Variants in TAF10 observed in about 807,000 individuals in gnomAD.
The protein encoded by TAF10 is transcription initiation factor TFIID subunit 10.
Under a neutral mutation model 18.1 loss-of-function variants are expected in TAF10, and 2 were observed. The ratio of observed to expected loss-of-function variants is 0.11; its 90% CI spans 0.05 to 0.35. The LOEUF (loss-of-function observed/expected upper bound fraction) is 0.35. TAF10 is among the 10% of genes least tolerant of loss of function. TAF10 has a pLI of 1.00. For synonymous variants in TAF10, 158 were observed against 134.6 expected, an observed-to-expected ratio of 1.17 and a Z score of -1.20; for missense variants, 293 against 306.9, an observed-to-expected ratio of 0.95 and a Z score of 0.34.
At chr11:6,611,913 C>G (rs1395427786) in intron 1 of TAF10, 45 bp downstream of exon 1, 1 of 1,575,672 alleles carries the variant, frequency 6.3e-7, no homozygotes, top group Non-Finnish European at 8.6e-7. Context: ...GCCGCTGGAC[C>G]CAGCCCAAGA....
In TAF10 at chr11:6,612,098, G is replaced by A. The variant is rs1459426984; in HGVS notation, c.92C>T (p.Ala31Val). Residue 31 changes from alanine (A) to valine (V), a missense_variant, in exon 1 of 5, where the codon GCC becomes GTC. Ala to Val is a moderately conservative substitution (Grantham distance 64). Coordinates refer to ENST00000299424, the MANE Select transcript of TAF10 (RefSeq NM_006284.4). The stretch of plus-strand genomic sequence containing the variant: ...CGCGGCGGTGCTGGAGGGCAGCGCG[G>A]CGGGAGCCGAGACCGGGGGCGCGGG... ...PGPAPPVSAP[A>V]ALPSSTAAEN... The A allele has an allele frequency of 1.6e-6, 2 of 1,227,944 alleles. No homozygotes were observed. Among genetic ancestry groups the A allele is most frequent in the African/African-American group, 3.1e-5 (2 of 63,876 alleles). The allele number at this position is 1,227,944 out of a possible 1,614,324, so 76.1% of individuals were successfully genotyped here.
Position 6,609,517 on chromosome 11 carries a change from T to C in TAF10, c.*1405A>G. ...CCACTCCCTCCCTCTTCTAGGATTT[T>C]CTCGCATCCAAATGTGCTCCCAGTG... is the stretch of plus-strand genomic sequence containing the variant. On this transcript the variant is annotated 3_prime_UTR_variant, in exon 5 of 5. Transcript: ENST00000299424. The C allele has an allele frequency of 1.2e-6, 2 of 1,614,142 alleles. No homozygotes were observed. The highest frequency in any genetic ancestry group is 1.1e-5 in the South Asian group (1 of 91,078).
At position 6,610,514 on chromosome 11, in the gene TAF10, T is replaced by C; in HGVS notation, c.*408A>G. The C allele has an allele frequency of 6.2e-7, 1 of 1,614,112 alleles. No homozygotes were observed. The highest frequency in any genetic ancestry group is 8.5e-7 in the Non-Finnish European group (1 of 1,179,940). ...ATCCCACCAGGTATTTCCCCTCATG[T>C]GTGTAAGCTCATGAAGATCTGCATG... is the stretch of plus-strand genomic sequence containing the variant. On this transcript the variant is annotated 3_prime_UTR_variant, in exon 5 of 5. Coordinates refer to ENST00000299424, the MANE Select transcript of TAF10 (RefSeq NM_006284.4).
rs1352901841 is a variant in TAF10 at position 6,611,395 on chromosome 11, G to A, written c.445C>T (p.Pro149Ser). ...TGCCCTGGGTTTACTCACATGCGTG[G>A]GTCTGAGGCCTCAAAGCCAGCACGG... ...LNRAGFEASD[P>S]RIIRLISLAA... The change falls in exon 3 of 5, where the codon CCA becomes TCA. Residue 149 changes from proline (P) to serine (S), a missense_variant. Transcript: ENST00000299424. 2 of 1,614,184 alleles carry A rather than the reference G, an allele frequency of 1.2e-6. No homozygotes were observed. The highest frequency in any genetic ancestry group is 1.7e-6 in the Non-Finnish European group (2 of 1,180,042).
In TAF10 at chr11:6,611,779, G is replaced by C. The variant is rs201656714; in HGVS notation, c.272C>G (p.Ala91Gly). ...SAGGAAPPEG[A>G]ISNGVYVLPS... The stretch of plus-strand genomic sequence containing the variant: ...CAGTACGTAAACCCCGTTAGATATG[G>C]CCCCCTCCGGGGGCGCCGCGCCACC... The change falls in exon 2 of 5, where the codon GCC (alanine) becomes GGC (glycine). Residue 91 changes from alanine to glycine, a missense_variant. Physicochemically the swap from Ala to Gly is moderately conservative, Grantham distance 60. Transcript: ENST00000299424. 4.4e-6 allele frequency: 7 copies of C among 1,605,120 alleles called. No individual in the cohort carries two copies. The highest frequency in any genetic ancestry group is 6.0e-6 in the Non-Finnish European group (7 of 1,175,512).
At position 6,609,473 on chromosome 11, in the gene TAF10, C is replaced by G. The variant is rs776384363; in HGVS notation, c.*1449G>C. On this transcript the variant is annotated 3_prime_UTR_variant, in exon 5 of 5. Transcript: ENST00000299424. The stretch of plus-strand genomic sequence containing the variant: ...AACCCTGAATAGCACTGAAAGAGAT[C>G]TTTTGTACTGGGTCTCAACCACTCC... 1.9e-6 allele frequency: 3 copies of G among 1,613,970 alleles called. No individual in the cohort carries two copies. The African/African-American group carries it at 4.0e-5, about 22-fold the overall frequency.
rs368539510 is a variant in TAF10, at chr11:6,608,844, C to T, written c.*2078G>A. 2.1e-5 allele frequency: 34 copies of T among 1,613,030 alleles called. No individual in the cohort carries two copies. In the African/African-American group the frequency reaches 3.3e-4, roughly 16 times the overall value. ...CCTCTCGTCCCTTCCCACCTGTCTT[C>T]TCCCTCTGTACCACAGCTTAGGTTG... On this transcript the variant is annotated 3_prime_UTR_variant, in exon 5 of 5. Transcript: ENST00000299424. This position sits in a 1 kb window ranked among gnomAD's most constrained non-coding sequence, Gnocchi z 4.9.
At position 6,611,971 on chromosome 11, in the gene TAF10, C is replaced by T. The variant is rs1131872; in HGVS notation, c.219G>A (p.Glu73=). Residue 73 remains glutamate (E), a synonymous_variant, in exon 1 of 5, where the codon GAG becomes GAA. Coordinates refer to ENST00000299424, the MANE Select transcript of TAF10 (RefSeq NM_006284.4). ...CCCGGCCCTCACCCGCCCCACGCCGCTCAGCTGGCTCCCCGGCCCGCGCCG... is the reference window on the plus strand; with the variant it reads ...CCCGGCCCTCACCCGCCCCACGCCGTTCAGCTGGCTCCCCGGCCCGCGCCG... ...PLAARAGEPA[E]RRGAAPVSAG... 1 of 1,568,466 alleles carries T rather than the reference C, an allele frequency of 6.4e-7. No homozygotes were observed. The highest frequency in any genetic ancestry group is 8.6e-7 in the Non-Finnish European group (1 of 1,165,136).
intron 1 of TAF10, 52 bp downstream of exon 1, chr11:6,611,906 G>A: frequency 6.4e-7 from 1 of 1,570,254 alleles, no homozygotes. Flanking sequence ...CTCACCCGCC[G>A]CTGGACCCAG....
At position 6,607,181 on chromosome 11, in the gene TAF10, C is replaced by A. The variant is rs1200665824; in HGVS notation, c.*3741G>T. On this transcript the variant is annotated 3_prime_UTR_variant, in exon 5 of 5. Coordinates refer to ENST00000299424, the MANE Select transcript of TAF10 (RefSeq NM_006284.4). ...GCTCCGCCCCTTGAATCTGCAGCCC[C>A]GAACTGGAGGGAATTTCCTTTTATG... 1 of 152,426 alleles carries A rather than the reference C, an allele frequency of 6.6e-6. No homozygotes were observed. Among genetic ancestry groups the A allele is most frequent in the African/African-American group, 2.4e-5 (1 of 41,442 alleles). The allele number at this position is 152,426 out of a possible 1,614,324, so 9.4% of individuals were successfully genotyped here.
Position 6,610,963 on chromosome 11 carries a change from C to G in TAF10, c.616G>C (p.Glu206Gln), listed in dbSNP as rs762390543. Reference sequence around the variant, plus strand: ...GGCTTCTTCACATTGATGCCATACTCGCTGAGGGCAGGGGTCAAGTCCTCC... The same window carrying G: ...GGCTTCTTCACATTGATGCCATACTGGCTGAGGGCAGGGGTCAAGTCCTCC... The part of the protein sequence containing the change: ...TMEDLTPALS[E>Q]YGINVKKPHY... The change falls in exon 5 of 5, where the codon GAG (glutamate) becomes CAG (glutamine). Residue 206 changes from glutamate to glutamine, a missense_variant. By Grantham distance (29) the Glu-to-Gln change is conservative (BLOSUM62 2). Transcript: ENST00000299424. The G allele has an allele frequency of 6.2e-7, 1 of 1,614,184 alleles. No individual in the cohort carries two copies. The highest frequency in any genetic ancestry group is 8.5e-7 in the Non-Finnish European group (1 of 1,180,044).
At position 6,610,852 on chromosome 11, in the gene TAF10, A is replaced by C. The variant is rs1035116395; in HGVS notation, c.*70T>G. ...GGAGGGATCAGCCCCGCCTGTCACA[A>C]TAAAGTTTATTATGAAAACAGGCTG... On this transcript the variant is annotated 3_prime_UTR_variant, in exon 5 of 5. Transcript: ENST00000299424. The C allele has an allele frequency of 1.3e-6, 2 of 1,570,368 alleles. No homozygotes were observed. The highest frequency in any genetic ancestry group is 1.8e-6 in the Non-Finnish European group (2 of 1,140,974).
rs754718567 is a variant in TAF10 at position 6,612,012 on chromosome 11, C to A, written c.178G>T (p.Gly60Cys). ...GCCCGCGCCGCCAAGGGTCCCGTGC[C>A]CCCAGCAGCTGCTCCAGCCCCAGGT... ...GGPGAGAAAG[G>C]TGPLAARAGE... The change falls in exon 1 of 5, where the codon GGC becomes TGC. Residue 60 changes from glycine (G) to cysteine (C), a missense_variant. Physicochemically the swap from Gly to Cys is radical, Grantham distance 159. Transcript: ENST00000299424. The A allele has an allele frequency of 2.6e-6, 4 of 1,540,530 alleles. No homozygotes were observed. The East Asian group carries it at 9.8e-5, about 38-fold the overall frequency.
At position 6,610,025 on chromosome 11, in the gene TAF10, A is replaced by T; in HGVS notation, c.*897T>A. On this transcript the variant is annotated 3_prime_UTR_variant, in exon 5 of 5. Coordinates refer to ENST00000299424, the MANE Select transcript of TAF10 (RefSeq NM_006284.4). The stretch of plus-strand genomic sequence containing the variant: ...GTCGCATGTATGCACCTGCCTGGGT[A>T]GCCCCCGAAGGTGAGTGAAGTCATC... The T allele has an allele frequency of 6.2e-7, 1 of 1,614,180 alleles. No homozygotes were observed. The highest frequency in any genetic ancestry group is 8.5e-7 in the Non-Finnish European group (1 of 1,180,020).
At position 6,610,732 on chromosome 11, in the gene TAF10, A is replaced by G. The variant is rs1277367487; in HGVS notation, c.*190T>C. 9 of 1,362,594 alleles carry G rather than the reference A, an allele frequency of 6.6e-6. No homozygotes were observed. The East Asian group carries it at 1.6e-4, about 25-fold the overall frequency. 84.4% of individuals were successfully genotyped at this position (1,362,594 alleles called of 1,614,324 possible). On this transcript the variant is annotated 3_prime_UTR_variant, in exon 5 of 5. Coordinates refer to ENST00000299424, the MANE Select transcript of TAF10 (RefSeq NM_006284.4). ...CTCCAGTCATGGTACTACCCCAGCC[A>G]TGGGGTCCATCCCCTTCCCCCATCC... is the stretch of plus-strand genomic sequence containing the variant.
In TAF10 at chr11:6,611,805, C is replaced by T. The variant is rs1178229885; in HGVS notation, c.246G>A (p.Ala82=). The part of the protein sequence containing the change: ...AERRGAAPVS[A]GGAAPPEGAI... ...CCCCCTCCGGGGGCGCCGCGCCACC[C>T]GCCGACACCGGAGCTGGAGGAGAAC... Residue 82 remains alanine (A), a synonymous_variant, in exon 2 of 5, where the codon GCG becomes GCA. Transcript: ENST00000299424. The T allele has an allele frequency of 6.2e-7, 1 of 1,604,684 alleles. No homozygotes were observed. The highest frequency in any genetic ancestry group is 8.5e-7 in the Non-Finnish European group (1 of 1,175,518).
intron 1 of TAF10, 69 bp from the exon 2 acceptor site, chr11:6,611,887 C>A (rs1589945699): frequency 6.4e-7 from 1 of 1,560,728 alleles, no homozygotes. Context: ...TCTGTCTATA[C>A]CCTCTGCCCT....
chr11:6,609,820 A>G lies in TAF10; in HGVS notation c.*1102T>C, dbSNP rs773688505. ...ACACTAGAGCCCCTCATCCCACGAC[A>G]TGCACTCAATAGCCGTAGTGTAATG... On this transcript the variant is annotated 3_prime_UTR_variant, in exon 5 of 5. Coordinates refer to ENST00000299424, the MANE Select transcript of TAF10 (RefSeq NM_006284.4). 2 of 1,614,230 alleles carry G rather than the reference A, an allele frequency of 1.2e-6. No homozygotes were observed. The highest frequency in any genetic ancestry group is 2.2e-5 in the South Asian group (2 of 91,086).
chr11:6,610,376 T>C lies in TAF10; in HGVS notation c.*546A>G. ...GGCTCCTCACATATTTGTTCGGATA[T>C]ACAGTAATCCTGTCCCAAGGGCCAG... On this transcript the variant is annotated 3_prime_UTR_variant, in exon 5 of 5. Transcript: ENST00000299424. 1 of 1,612,966 alleles carries C rather than the reference T, an allele frequency of 6.2e-7. No individual in the cohort carries two copies. Among genetic ancestry groups the C allele is most frequent in the Non-Finnish European group, 8.5e-7 (1 of 1,179,042 alleles).
Sources: gnomAD v4.1 joint callset for allele counts on GRCh38, gnomAD v4.1.1 for gene constraint, Gnocchi (gnomAD v3.1) non-coding constraint, MANE v1.5 for transcripts, NCBI Gene and HGNC (gene_info 2026-07-23, HGNC 2026-07-21) for gene names.